Variants in SUZ12 observed in about 807,000 individuals in gnomAD.
The protein encoded by SUZ12 is SUZ12 polycomb repressive complex 2 subunit, also known as polycomb protein SUZ12.
A neutral mutation model predicts 87.3 loss-of-function variants in SUZ12; 17 were observed. The observed-to-expected ratio is 0.19, with a 90% CI of 0.13 to 0.29. SUZ12 has a LOEUF of 0.29. SUZ12 is among the 10% of genes least tolerant of loss of function. SUZ12 has a pLI of 1.00. For missense variants in SUZ12, 526 were observed against 912.2 expected, an observed-to-expected ratio of 0.58 and a Z score of 5.45; for synonymous variants, 253 against 312.4, an observed-to-expected ratio of 0.81 and a Z score of 2.01.
intron 5 of SUZ12, among the ~76,000 whole-genome samples, chr17:31,972,493 G>T (rs1908503141): frequency 6.6e-6 from 1 of 151,716 alleles, no homozygotes; most frequent in Non-Finnish European, 1.5e-5. Context: ...GCTCACTGCA[G>T]CCTTGAACTC....
At chr17:31,970,792 ACT>A (rs545441324) in intron 5 of SUZ12, among the ~76,000 whole-genome samples, 1 of 149,058 alleles carries the variant, frequency 6.7e-6, no homozygotes, top group Non-Finnish European at 1.5e-5. Context: ...ACAGAGCAAG[ACT>A]CTCTCTCTCA....
chr17:31,941,304 T>C (rs1359296393), intron 3 of SUZ12, among the ~76,000 whole-genome samples: 4 of 151,794 alleles, frequency 2.6e-5, no homozygotes, highest in Non-Finnish European at 5.9e-5. Context: ...TCCCCCACGC[T>C]GGAGTGTAAT....
chr17:31,988,379 G>C lies in SUZ12; in HGVS notation c.1083G>C (p.Trp361Cys). The change falls in exon 10 of 16, where the codon TGG (tryptophan) becomes TGC (cysteine). Residue 361 changes from tryptophan to cysteine, a missense_variant. By Grantham distance (215) the Trp-to-Cys change is radical. Transcript: ENST00000322652. ...CTACGTTGCAGTTCACTCTTCGTTG[G>C]ACAGGAGAGACCAATGATAAATCTA... ...QGPTLQFTLR[W>C]TGETNDKSTA... is the part of the protein sequence containing the mutation. 1.2e-6 allele frequency: 2 copies of C among 1,612,088 alleles called. No homozygotes were observed. The highest frequency in any genetic ancestry group is 1.7e-6 in the Non-Finnish European group (2 of 1,179,366).
chr17:31,943,803 C>T (rs1906451635), intron 3 of SUZ12, among the ~76,000 whole-genome samples: 1 of 151,930 alleles, frequency 6.6e-6, no homozygotes, highest in Admixed American at 6.6e-5. Flanking sequence ...CAAGTTCAAG[C>T]AATTCTGCCT....
intron 4 of SUZ12, among the ~76,000 whole-genome samples, chr17:31,951,225 A>G (rs1240862617): frequency 6.6e-6 from 1 of 152,126 alleles, no homozygotes; most frequent in Non-Finnish European, 1.5e-5. Context: ...CATTCCTCAA[A>G]GTTCAAGGGG....
intron 12 of SUZ12, 48 bp downstream of exon 12, chr17:31,994,056 T>C: frequency 6.3e-7 from 1 of 1,576,570 alleles, no homozygotes; most frequent in Non-Finnish European, 8.6e-7. Context: ...AAATCTCTTG[T>C]ACCCCATAAA....
At chr17:31,981,963 T>C (rs889510829) in intron 8 of SUZ12, among the ~76,000 whole-genome samples, 4 of 152,180 alleles carry the variant, frequency 2.6e-5, no homozygotes, top group Admixed American at 6.5e-5. Context: ...AGAATTTCTC[T>C]AAGAGTGATG....
chr17:31,988,413 A>G lies in SUZ12; in HGVS notation c.1117A>G (p.Ile373Val), dbSNP rs540937493. The G allele has an allele frequency of 4.3e-6, 7 of 1,613,984 alleles. No individual in the cohort carries two copies. Among genetic ancestry groups the G allele is most frequent in the African/African-American group, 1.3e-5 (1 of 75,022 alleles). The stretch of plus-strand genomic sequence containing the variant: ...GACCAATGATAAATCTACGGCTCCT[A>G]TTGCCAAACCTCTTGCCACTAGAAA... ...GETNDKSTAP[I>V]AKPLATRNSE... Residue 373 changes from isoleucine (I) to valine (V), a missense_variant, in exon 10 of 16, where the codon ATT becomes GTT. Physicochemically the swap from Ile to Val is conservative, Grantham distance 29 (BLOSUM62 3). Around this residue, in one of 9 missense-constraint regions of SUZ12, gnomAD observed 85 missense variants for 87.4 expected, o/e 0.97. Transcript: ENST00000322652.
chr17:31,997,941 T>C (rs953502102), intron 15 of SUZ12, among the ~76,000 whole-genome samples: 2 of 152,110 alleles, frequency 1.3e-5, no homozygotes, highest in Non-Finnish European at 2.9e-5. Context: ...CCTTTGTGGC[T>C]AAAAGTATGT....
chr17:31,952,065 C>T (rs1436837822), intron 4 of SUZ12, among the ~76,000 whole-genome samples: 3 of 151,964 alleles, frequency 2.0e-5, no homozygotes, highest in Non-Finnish European at 2.9e-5. Flanking sequence ...TGAGCCACTG[C>T]GCCCAGCCTT....
At chr17:31,986,193 C>T (rs147934598) in intron 9 of SUZ12, among the ~76,000 whole-genome samples, 8,811 of 152,204 alleles carry the variant, frequency 0.058, 618 homozygotes, top group African/African-American at 0.15. Context: ...CCACCCACTT[C>T]GGCATCCCAA....
intron 4 of SUZ12, among the ~76,000 whole-genome samples, chr17:31,949,145 C>T (rs1039079938): frequency 6.6e-6 from 1 of 152,176 alleles, no homozygotes; most frequent in Non-Finnish European, 1.5e-5. Flanking sequence ...ACCTTCACTA[C>T]TAAACCCTAT....
At chr17:31,962,870 G>A (rs1907821146) in intron 4 of SUZ12, among the ~76,000 whole-genome samples, 1 of 152,226 alleles carries the variant, frequency 6.6e-6, no homozygotes. Context: ...TCTGGTCTTA[G>A]TATGTAGTTT....
chr17:31,998,228 C>A (rs527322665), intron 15 of SUZ12, among the ~76,000 whole-genome samples: 4 of 151,948 alleles, frequency 2.6e-5, no homozygotes, highest in African/African-American at 7.3e-5. Context: ...CACAGGCACC[C>A]GCCACCACAC....
chr17:31,987,933 C>G (rs1909500424), intron 9 of SUZ12, among the ~76,000 whole-genome samples: 1 of 149,152 alleles, frequency 6.7e-6, no homozygotes. Flanking sequence ...GAGTGAAACT[C>G]CATCTCAAAA....
intron 8 of SUZ12, among the ~76,000 whole-genome samples, chr17:31,980,466 T>TTTTTTTTTTG (rs1909037343): frequency 9.0e-6 from 1 of 111,354 alleles, no homozygotes; most frequent in Non-Finnish European, 1.8e-5. Context: ...TTTTTTTTTT[T>TTTTTTTTTTG]GAGACGGAGT....
At chr17:31,964,753 A>G (rs1480893330) in intron 4 of SUZ12, among the ~76,000 whole-genome samples, 1 of 152,142 alleles carries the variant, frequency 6.6e-6, no homozygotes, top group African/African-American at 2.4e-5. Flanking sequence ...TTCACTAAGT[A>G]GATGGAGATA....
intron 4 of SUZ12, among the ~76,000 whole-genome samples, chr17:31,951,787 T>C (rs1174095783): frequency 6.7e-6 from 1 of 149,892 alleles, no homozygotes; most frequent in Non-Finnish European, 1.5e-5. Context: ...TTTTTTTTTT[T>C]TTTTTGAGAC....
chr17:31,956,678 G>A (rs141385284), intron 4 of SUZ12, among the ~76,000 whole-genome samples: 68 of 151,740 alleles, frequency 4.5e-4, no homozygotes, highest in African/African-American at 1.5e-3. Flanking sequence ...TGCACTTCTC[G>A]CCTAGTATTG....
Sources: allele counts gnomAD v4.1 joint callset (sites outside exome capture counted in the v4.1 genomes callset), GRCh38; gene constraint gnomAD v4.1.1; regional missense constraint gnomAD v4.1.1; transcripts MANE v1.5; gene names NCBI Gene and HGNC (gene_info 2026-07-23, HGNC 2026-07-21).